The following CHST8 variants were observed in gnomAD, a reference collection of about 807,000 sequenced individuals.
CHST8 encodes GALNAC-4-ST1.
A neutral mutation model predicts 15.0 loss-of-function variants in CHST8; 10 were observed. That is an observed-to-expected ratio of 0.67 (90% CI 0.41 to 1.13). CHST8 has a LOEUF of 1.13. Among genes scored for constraint, CHST8 ranks in the 50% most tolerant of loss-of-function variants. The probability of loss-of-function intolerance (pLI) is 0.00; values close to 1 mark genes in which losing one functional copy is unlikely to be tolerated. For synonymous variants in CHST8, 259 were observed against 256.6 expected, an observed-to-expected ratio of 1.01 and a Z score of -0.09; for missense variants, 634 against 608.2, an observed-to-expected ratio of 1.04 and a Z score of -0.45.
intron 3 of CHST8, among the ~76,000 whole-genome samples, chr19:33,722,110 T>TGGATGGATGGAG (rs1293754084): frequency 2.8e-5 from 3 of 108,162 alleles, no homozygotes; most frequent in East Asian, 4.3e-4. Flanking sequence ...GATGGATGGA[T>TGGATGGATGGAG]GAAGGGATGG....
chr19:33,633,258 C>G (rs190777919), intron 1 of CHST8, among the ~76,000 whole-genome samples: 1 of 152,340 alleles, frequency 6.6e-6, no homozygotes, highest in Non-Finnish European at 1.5e-5. Context: ...CCTCTTTGTA[C>G]AGGATTCCAT....
At chr19:33,720,991 GC>G (rs1200915074) in intron 3 of CHST8, among the ~76,000 whole-genome samples, 1 of 152,250 alleles carries the variant, frequency 6.6e-6, no homozygotes, top group South Asian at 2.1e-4. Context: ...GACCAGAGTT[GC>G]CCTGTCTGTC....
chr19:33,646,047 G>A (rs1972351512), intron 1 of CHST8, among the ~76,000 whole-genome samples: 2 of 152,132 alleles, frequency 1.3e-5, no homozygotes, highest in Admixed American at 1.3e-4. Flanking sequence ...AGGATTGCTG[G>A]AGCCCAGGAG....
At chr19:33,650,529 T>TTTTTTTTTTTTTTTTTTTTTTTG (rs1972431582) in intron 1 of CHST8, among the ~76,000 whole-genome samples, 1 of 114,818 alleles carries the variant, frequency 8.7e-6, no homozygotes, top group Non-Finnish European at 1.8e-5. Context: ...TTTTTTTTTT[T>TTTTTTTTTTTTTTTTTTTTTTTG]TTTTTTTTTT....
In CHST8 at chr19:33,715,677, G is replaced by A. The variant is rs1160393841; in HGVS notation, c.130+26286G>A. Among the ~76,000 whole-genome samples, 4 of 152,312 alleles carry A rather than the reference G, an allele frequency of 2.6e-5. No individual in the cohort carries two copies. In the East Asian group the frequency reaches 7.7e-4, roughly 29 times the overall value. On this transcript the variant is annotated intron_variant, in intron 3 of 4. Coordinates refer to ENST00000650847, the MANE Select transcript of CHST8 (RefSeq NM_001127895.2). ...CTCAGGCTGACCTTCACCTTGCTGG[G>A]CTAGCTGGCCTTGGGTTGTCCCTGG...
intron 3 of CHST8, among the ~76,000 whole-genome samples, chr19:33,736,481 A>T (rs768232896): frequency 3.3e-5 from 5 of 152,046 alleles, no homozygotes; most frequent in Admixed American, 6.5e-5. Flanking sequence ...CAGAGAAGGG[A>T]TCTCTCAGAG....
chr19:33,695,821 C>CTTTCTTTCTTTTTTT (rs57718433), intron 3 of CHST8, among the ~76,000 whole-genome samples: 43 of 76,246 alleles, frequency 5.6e-4, no homozygotes, highest in African/African-American at 1.7e-3. Flanking sequence ...TTCTTTCTTT[C>CTTTCTTTCTTTTTTT]TTTTTTTTTT....
chr19:33,632,265 G>A (rs1006977897), intron 1 of CHST8, among the ~76,000 whole-genome samples: 14 of 151,812 alleles, frequency 9.2e-5, no homozygotes, highest in African/African-American at 2.7e-4. Context: ...TCAGCCTCCC[G>A]AGTAGCTGGA....
intron 2 of CHST8, among the ~76,000 whole-genome samples, chr19:33,682,227 C>T (rs1972903102): frequency 7.6e-6 from 1 of 132,168 alleles, no homozygotes; most frequent in Admixed American, 8.6e-5. Flanking sequence ...GAGTCTCGCT[C>T]TGTTGCCCTG....
At chr19:33,750,295 C>T (rs1974388640) in intron 3 of CHST8, among the ~76,000 whole-genome samples, 1 of 152,178 alleles carries the variant, frequency 6.6e-6, no homozygotes, top group Non-Finnish European at 1.5e-5. Context: ...TCCAGCCTCT[C>T]CTAACTAGCC....
chr19:33,644,733 C>G (rs1972328306), intron 1 of CHST8, among the ~76,000 whole-genome samples: 2 of 152,044 alleles, frequency 1.3e-5, no homozygotes, highest in African/African-American at 4.8e-5. Flanking sequence ...GGAGCAAGAC[C>G]CTGTCTCTAA....
At chr19:33,684,060 A>G (rs986802433) in intron 2 of CHST8, among the ~76,000 whole-genome samples, 19 of 152,188 alleles carry the variant, frequency 1.2e-4, no homozygotes, top group African/African-American at 4.3e-4. Flanking sequence ...GTCTTTGGCC[A>G]CGCTCTCAGG....
rs975749398 is a variant in CHST8, at chr19:33,749,117, A to G, written c.131-22296A>G. 3.3e-5 allele frequency among the ~76,000 whole-genome samples: 5 copies of G among 152,098 alleles called. No homozygotes were observed. In the East Asian group the frequency reaches 9.7e-4, roughly 29 times the overall value. ...GGGGTGTGCATGCCCCAGGGATGGCAGCAAAAGCAGCTATGTCCGGGGCTC... is the reference window on the plus strand; with the variant it reads ...GGGGTGTGCATGCCCCAGGGATGGCGGCAAAAGCAGCTATGTCCGGGGCTC... On this transcript the variant is annotated intron_variant, in intron 3 of 4. Coordinates refer to ENST00000650847, the MANE Select transcript of CHST8 (RefSeq NM_001127895.2).
chr19:33,626,341 G>T (rs958910916), intron 1 of CHST8, among the ~76,000 whole-genome samples: 2 of 152,104 alleles, frequency 1.3e-5, no homozygotes, highest in Non-Finnish European at 2.9e-5. Flanking sequence ...GCCACCGAGA[G>T]ACTGGGGAAG....
chr19:33,644,971 G>A (rs1374326742), intron 1 of CHST8, among the ~76,000 whole-genome samples: 1 of 152,154 alleles, frequency 6.6e-6, no homozygotes, highest in Non-Finnish European at 1.5e-5. Flanking sequence ...GGGGAATTTG[G>A]CAACAGCTGG....
intron 2 of CHST8, among the ~76,000 whole-genome samples, chr19:33,688,876 C>T (rs542088404): frequency 6.6e-6 from 1 of 152,254 alleles, no homozygotes; most frequent in African/African-American, 2.4e-5. Flanking sequence ...TGGTTACTGA[C>T]TGGGGGCCTG....
At chr19:33,707,547 A>G (rs1359098983) in intron 3 of CHST8, among the ~76,000 whole-genome samples, 1 of 152,162 alleles carries the variant, frequency 6.6e-6, no homozygotes, top group Non-Finnish European at 1.5e-5. Flanking sequence ...TTCACTCTGC[A>G]TGATGGTTTT....
At chr19:33,641,799 G>C (rs551246392) in intron 1 of CHST8, among the ~76,000 whole-genome samples, 1 of 152,180 alleles carries the variant, frequency 6.6e-6, no homozygotes, top group African/African-American at 2.4e-5. Context: ...GACTCCCGCT[G>C]TCATCGCAGA....
At chr19:33,670,627 T>C (rs2145231589) in intron 2 of CHST8, among the ~76,000 whole-genome samples, 1 of 152,300 alleles carries the variant, frequency 6.6e-6, no homozygotes, top group East Asian at 1.9e-4. Context: ...TCCAGGAGCG[T>C]CACATTTTTC....
Sources: allele counts gnomAD v4.1 joint callset (sites outside exome capture counted in the v4.1 genomes callset), GRCh38; gene constraint gnomAD v4.1.1; transcripts MANE v1.5; gene names NCBI Gene and HGNC (gene_info 2026-07-23, HGNC 2026-07-21).